The following VSNL1 variants were observed in gnomAD, a reference collection of about 807,000 sequenced individuals.
VSNL1 encodes the protein visinin-like protein 1.
In VSNL1, 6 loss-of-function variants were observed where a neutral mutation model predicts 20.4. The ratio of observed to expected loss-of-function variants is 0.29; its 90% CI spans 0.16 to 0.58. The LOEUF is 0.58. Ranked by LOEUF, VSNL1 falls within the 20% of genes least tolerant of loss-of-function variation. The pLI is 0.90. For synonymous variants in VSNL1, 93 were observed against 86.4 expected, an observed-to-expected ratio of 1.08 and a Z score of -0.42; for missense variants, 100 against 234.5, an observed-to-expected ratio of 0.43 and a Z score of 3.75.
chr2:17,560,122 G>A (rs1431081617), intron 1 of VSNL1, among the ~76,000 whole-genome samples: 1 of 151,234 alleles, frequency 6.6e-6, no homozygotes, highest in East Asian at 1.9e-4. Context: ...GAAAGACAAA[G>A]TGCTTATATG....
intron 1 of VSNL1, among the ~76,000 whole-genome samples, chr2:17,582,358 T>A (rs953379732): frequency 6.6e-6 from 1 of 152,092 alleles, no homozygotes; most frequent in Non-Finnish European, 1.5e-5. Context: ...AGCAGGGCAG[T>A]GACATGATTG....
chr2:17,590,117 C>T (rs1208195781), intron 1 of VSNL1, among the ~76,000 whole-genome samples: 2 of 152,164 alleles, frequency 1.3e-5, no homozygotes, highest in African/African-American at 2.4e-5. Context: ...ATCCTGATTG[C>T]TCGGTGATTG....
chr2:17,552,841 C>A (rs989463363), intron 1 of VSNL1, among the ~76,000 whole-genome samples: 1 of 152,098 alleles, frequency 6.6e-6, no homozygotes, highest in Non-Finnish European at 1.5e-5. Context: ...ATGACTGCAT[C>A]TCACTGGAGA....
rs546861051 is a variant in VSNL1, at chr2:17,587,394, C to CACACACACAT, written c.-5-4675_-5-4674insCACACACATA. Among the ~76,000 whole-genome samples, 30 of 144,466 alleles carry CACACACACAT rather than the reference C, an allele frequency of 2.1e-4. 1 individual carries two copies. Among genetic ancestry groups the CACACACACAT allele is most frequent in the East Asian group, 1.3e-3 (6 of 4,476 alleles). 94.8% of individuals were successfully genotyped at this position (144,466 alleles called of 152,430 possible). On this transcript the variant is annotated intron_variant, in intron 1 of 3. Coordinates refer to ENST00000295156, the MANE Select transcript of VSNL1 (RefSeq NM_003385.5). Reference sequence around the variant, plus strand: ...ACACACACACACACACACACACACACATATATTTTGTTTCAATCCTCTTTA... The same window carrying CACACACACAT: ...ACACACACACACACACACACACACACACACACACATATATATTTTGTTTCAATCCTCTTTA...
intron 2 of VSNL1, among the ~76,000 whole-genome samples, chr2:17,645,012 G>A (rs953621971): frequency 3.3e-5 from 5 of 152,248 alleles, no homozygotes; most frequent in Non-Finnish European, 5.9e-5. Context: ...TGTCTTCTGC[G>A]GGATTGGATG....
chr2:17,595,189 A>G (rs1209899293), intron 2 of VSNL1, among the ~76,000 whole-genome samples: 1 of 152,192 alleles, frequency 6.6e-6, no homozygotes, highest in Non-Finnish European at 1.5e-5. Context: ...CAATGTTAAG[A>G]CCCAGCGGCT....
intron 1 of VSNL1, 66 bp from the exon 2 acceptor site, chr2:17,592,004 G>T: frequency 6.3e-7 from 1 of 1,589,412 alleles, no homozygotes; most frequent in Non-Finnish European, 8.6e-7. Flanking sequence ...ACTCTAGCTT[G>T]GCTCCTAACC....
intron 1 of VSNL1, among the ~76,000 whole-genome samples, chr2:17,558,538 C>G (rs940281633): frequency 4.6e-5 from 7 of 152,028 alleles, no homozygotes; most frequent in African/African-American, 1.7e-4. Flanking sequence ...TTTTCATTAT[C>G]CCCATTATAA....
chr2:17,622,481 G>A (rs13009836), intron 2 of VSNL1, among the ~76,000 whole-genome samples: 34,123 of 134,386 alleles, frequency 0.25, 5,628 homozygotes, highest in Middle Eastern at 0.51. Flanking sequence ...CTGGGCAACA[G>A]AGCCAGGCTA....
At chr2:17,593,618 G>A (rs1443482557) in intron 2 of VSNL1, among the ~76,000 whole-genome samples, 1 of 152,146 alleles carries the variant, frequency 6.6e-6, no homozygotes, top group Non-Finnish European at 1.5e-5. Flanking sequence ...AGTGTTTATT[G>A]CATCATTAAA....
At chr2:17,600,119 T>C (rs1167101477) in intron 2 of VSNL1, among the ~76,000 whole-genome samples, 1 of 152,232 alleles carries the variant, frequency 6.6e-6, no homozygotes, top group Non-Finnish European at 1.5e-5. Context: ...TACAGGTAAA[T>C]GCAGTGTGAT....
intron 2 of VSNL1, among the ~76,000 whole-genome samples, chr2:17,597,021 G>C (rs13006917): frequency 6.6e-6 from 1 of 152,066 alleles, no homozygotes; most frequent in Non-Finnish European, 1.5e-5. Context: ...GGCCACGTAC[G>C]ATGGCAGCAC....
chr2:17,552,481 G>T (rs1156817163), intron 1 of VSNL1, among the ~76,000 whole-genome samples: 1 of 152,012 alleles, frequency 6.6e-6, no homozygotes, highest in Non-Finnish European at 1.5e-5. Flanking sequence ...TAGGGAAAGC[G>T]TACATATTTG....
intron 1 of VSNL1, among the ~76,000 whole-genome samples, chr2:17,548,020 C>CT (rs751021233): frequency 3.9e-5 from 6 of 152,066 alleles, no homozygotes; most frequent in Non-Finnish European, 7.4e-5. Flanking sequence ...ATCTGATACT[C>CT]TCCCCACACC....
chr2:17,608,509 A>T (rs1160425417), intron 2 of VSNL1, among the ~76,000 whole-genome samples: 1 of 152,228 alleles, frequency 6.6e-6, no homozygotes, highest in Non-Finnish European at 1.5e-5. Context: ...GCTTTGGGAA[A>T]GATTACATAA....
intron 1 of VSNL1, among the ~76,000 whole-genome samples, chr2:17,544,472 C>G (rs1161326367): frequency 3.3e-5 from 5 of 152,156 alleles, no homozygotes; most frequent in African/African-American, 1.2e-4. Flanking sequence ...TGTGAATCAC[C>G]TCCCCATTAC....
intron 2 of VSNL1, among the ~76,000 whole-genome samples, chr2:17,593,244 G>T (rs771835489): frequency 6.6e-6 from 1 of 152,154 alleles, no homozygotes; most frequent in Non-Finnish European, 1.5e-5. Flanking sequence ...ACTCATAGCT[G>T]CACTATTCAC....
At chr2:17,569,906 T>A (rs1664042088) in intron 1 of VSNL1, among the ~76,000 whole-genome samples, 1 of 152,234 alleles carries the variant, frequency 6.6e-6, no homozygotes, top group Admixed American at 6.5e-5. Flanking sequence ...TTAGGGTTCT[T>A]ACTTTGGGGA....
chr2:17,622,592 GA>G (rs1553303350), intron 2 of VSNL1, among the ~76,000 whole-genome samples: 1 of 124,632 alleles, frequency 8.0e-6, no homozygotes, highest in Non-Finnish European at 1.8e-5. Flanking sequence ...AAGAAAGAAA[GA>G]AAGAAAGAAA....
Sources: gnomAD v4.1 joint callset for allele counts (sites outside exome capture counted in the v4.1 genomes callset) on GRCh38, gnomAD v4.1.1 for gene constraint, MANE v1.5 for transcripts, NCBI Gene and HGNC (gene_info 2026-07-23, HGNC 2026-07-21) for gene names.